COP1: variants seen among roughly 807,000 people sequenced by gnomAD.
COP1 encodes the protein COP1 E3 ubiquitin ligase.
COP1 carries 24 observed loss-of-function variants against 101.3 expected under a neutral mutation model. The ratio of observed to expected loss-of-function variants is 0.24; its 90% CI spans 0.17 to 0.33. The LOEUF is 0.33. COP1 is among the 10% of genes least tolerant of loss of function. The pLI is 1.00. For missense variants in COP1, 663 were observed against 906.2 expected (o/e 0.73, Z 3.45); for synonymous variants, 347 against 341.9 (o/e 1.01, Z -0.17).
chr1:176,058,398 A>T (rs962509618), intron 11 of COP1, among the ~76,000 whole-genome samples: 2 of 152,166 alleles, frequency 1.3e-5, no homozygotes, highest in African/African-American at 2.4e-5. Context: ...TAGACATGGG[A>T]GACTTTTCAT....
At position 176,206,385 on chromosome 1, in the gene COP1, A is replaced by G. The variant is rs971443807; in HGVS notation, c.407+187T>C. On this transcript the variant is annotated intron_variant, in intron 1 of 19. Transcript: ENST00000367669. ...CCCCACCCTGCCTCGCTACTCCAACATTCCTTCACCCCACCAACCAGGAGC... is the reference window on the plus strand; with the variant it reads ...CCCCACCCTGCCTCGCTACTCCAACGTTCCTTCACCCCACCAACCAGGAGC... 4.9e-6 allele frequency: 3 copies of G among 609,666 alleles called. No individual in the cohort carries two copies. In the Admixed American group the frequency reaches 1.0e-4, roughly 20 times the overall value. 37.8% of individuals were successfully genotyped at this position (609,666 alleles called of 1,614,324 possible).
intron 15 of COP1, among the ~76,000 whole-genome samples, chr1:175,998,021 C>T (rs918040423): frequency 7.3e-6 from 1 of 137,076 alleles, no homozygotes; most frequent in African/African-American, 2.8e-5. Context: ...ATGTAACTAA[C>T]CTGCACAATG....
At chr1:176,177,240 A>G (rs1558264566) in intron 2 of COP1, among the ~76,000 whole-genome samples, 2 of 152,164 alleles carry the variant, frequency 1.3e-5, no homozygotes, top group Admixed American at 1.3e-4. Context: ...ATATATTTCT[A>G]TAATGTTAAA....
At chr1:176,190,724 CTTA>C (rs1225589691) in intron 1 of COP1, among the ~76,000 whole-genome samples, 5 of 151,876 alleles carry the variant, frequency 3.3e-5, no homozygotes, top group Admixed American at 1.3e-4. Context: ...AGCATCCAAA[CTTA>C]TTAAGTGAAT....
In COP1 at chr1:175,945,175, T is replaced by C. The variant is rs978923806; in HGVS notation, c.2179-5A>G. ...CCTTCATACCAATTCTAGCACCTAA[T>C]TGGGGGGAAAAAAGGATCCATTTAA... On this transcript the variant is annotated splice_region_variant and splice_polypyrimidine_tract_variant and intron_variant, in intron 19 of 19. Transcript: ENST00000367669. The C allele has an allele frequency of 1.9e-6, 3 of 1,569,136 alleles. No homozygotes were observed. Among genetic ancestry groups the C allele is most frequent in the Non-Finnish European group, 2.6e-6 (3 of 1,148,332 alleles).
chr1:176,122,105 A>G (rs561895339), intron 8 of COP1, among the ~76,000 whole-genome samples: 1 of 146,240 alleles, frequency 6.8e-6, no homozygotes, highest in South Asian at 2.2e-4. Context: ...GCGCCACTGC[A>G]CTCCAGCTTG....
chr1:176,119,438 T>C (rs1686739643), intron 8 of COP1, among the ~76,000 whole-genome samples: 2 of 152,138 alleles, frequency 1.3e-5, no homozygotes, highest in African/African-American at 2.4e-5. Context: ...ATTTCAAATA[T>C]ATGTTAAAAA....
At chr1:175,991,495 G>A (rs1557861416) in intron 15 of COP1, among the ~76,000 whole-genome samples, 1 of 152,088 alleles carries the variant, frequency 6.6e-6, no homozygotes, top group Non-Finnish European at 1.5e-5. Flanking sequence ...GGCCTAAGAC[G>A]TTAACAGTAT....
intron 11 of COP1, among the ~76,000 whole-genome samples, chr1:176,054,145 C>T (rs1673048417): frequency 6.8e-6 from 1 of 146,508 alleles, no homozygotes; most frequent in African/African-American, 2.5e-5. Flanking sequence ...TTCATAATCA[C>T]TCTCAGCAAA....
intron 18 of COP1, chr1:175,968,384 T>A: frequency 2.0e-6 from 1 of 498,620 alleles, no homozygotes; most frequent in Non-Finnish European, 4.0e-6. Flanking sequence ...GTATTTAGAG[T>A]GGCAGTTTTA....
At chr1:176,060,535 C>T (rs1165543028) in intron 11 of COP1, among the ~76,000 whole-genome samples, 1 of 152,122 alleles carries the variant, frequency 6.6e-6, no homozygotes, top group East Asian at 1.9e-4. Flanking sequence ...TCATATGAAG[C>T]TAAAATTTCA....
intron 18 of COP1, chr1:175,968,524 T>C: frequency 1.9e-6 from 1 of 517,776 alleles, no homozygotes; most frequent in South Asian, 1.4e-5. Context: ...ACATGGCTGG[T>C]TCCAGCAGCT....
intron 1 of COP1, among the ~76,000 whole-genome samples, chr1:176,204,380 CA>C (rs1700609218): frequency 6.6e-6 from 1 of 151,644 alleles, no homozygotes; most frequent in African/African-American, 2.4e-5. Context: ...AATATAAAAG[CA>C]TAGAATAATT....
At chr1:175,955,856 A>C (rs1480298923) in intron 18 of COP1, among the ~76,000 whole-genome samples, 2 of 150,086 alleles carry the variant, frequency 1.3e-5, no homozygotes, top group Non-Finnish European at 3.0e-5. Context: ...AGAATACCTA[A>C]ATAAATTGAC....
intron 7 of COP1, among the ~76,000 whole-genome samples, chr1:176,135,355 C>T (rs904118441): frequency 2.0e-5 from 3 of 151,268 alleles, no homozygotes; most frequent in Admixed American, 1.3e-4. Context: ...CCACCACATG[C>T]AAAAAAAGAT....
intron 15 of COP1, among the ~76,000 whole-genome samples, chr1:176,008,556 T>C (rs1221189253): frequency 6.6e-6 from 1 of 152,244 alleles, no homozygotes; most frequent in Non-Finnish European, 1.5e-5. Flanking sequence ...TTTTTGAATA[T>C]ATTTGTAATA....
chr1:176,163,593 G>A (rs1212453440), intron 4 of COP1, among the ~76,000 whole-genome samples: 2 of 152,154 alleles, frequency 1.3e-5, no homozygotes, highest in Non-Finnish European at 2.9e-5. Context: ...AAAGACAAAT[G>A]TTTCAATATA....
At chr1:176,046,057 T>C (rs947335369) in intron 12 of COP1, 124 bp downstream of exon 12, 4 of 722,226 alleles carry the variant, frequency 5.5e-6, no homozygotes, top group Non-Finnish European at 6.9e-6. Context: ...TCTGTATACA[T>C]AGTACAATAA....
At chr1:176,197,939 A>T (rs1165920142) in intron 1 of COP1, among the ~76,000 whole-genome samples, 1 of 152,216 alleles carries the variant, frequency 6.6e-6, no homozygotes, top group African/African-American at 2.4e-5. Context: ...CTTAGGGGTA[A>T]ATTTTAAAAA....
Sources: gnomAD v4.1 joint callset for allele counts (sites outside exome capture counted in the v4.1 genomes callset) on GRCh38, gnomAD v4.1.1 for gene constraint, MANE v1.5 for transcripts, NCBI Gene and HGNC (gene_info 2026-07-23, HGNC 2026-07-21) for gene names.